Variants in SPARC observed in about 807,000 individuals in gnomAD.
SPARC encodes secreted protein acidic and cysteine rich.
In SPARC, 23 loss-of-function variants were observed where a neutral mutation model predicts 37.7. That is an observed-to-expected ratio of 0.61 (90% confidence interval 0.44 to 0.87). The LOEUF is 0.87. Ranked by LOEUF, SPARC falls within the 40% of genes least tolerant of loss-of-function variation. The pLI is 0.00. For synonymous variants in SPARC, 155 were observed against 150.8 expected, an observed-to-expected ratio of 1.03 and a Z score of -0.20; for missense variants, 312 against 389.0, an observed-to-expected ratio of 0.80 and a Z score of 1.66.
At chr5:151,668,733 A>G (rs1417334142) in intron 6 of SPARC, among the ~76,000 whole-genome samples, 1 of 151,618 alleles carries the variant, frequency 6.6e-6, no homozygotes, top group Non-Finnish European at 1.5e-5. Flanking sequence ...CTTCATAAAG[A>G]CTCCTTAAGA....
Position 151,661,972 on chromosome 5 carries a change from T to G in SPARC, c.*1599A>C, listed in dbSNP as rs540366240. On this transcript the variant is annotated 3_prime_UTR_variant, in exon 10 of 10. Transcript: ENST00000231061. ...CATCACACCTGTGACATCTTGCAAT[T>G]TATATTTGATTGTGTCATTATCTAA... 1 of 152,340 alleles carries G rather than the reference T, an allele frequency of 6.6e-6. No homozygotes were observed. The highest frequency in any genetic ancestry group is 2.1e-4 in the South Asian group (1 of 4,832). 9.4% of individuals were successfully genotyped at this position (152,340 alleles called of 1,614,324 possible). A position where few individuals can be genotyped will look rare whatever the true frequency, so the allele number is the denominator to read the frequency against.
Position 151,669,800 on chromosome 5 carries a change from A to C in SPARC, c.331-16T>G. 2.5e-6 allele frequency: 4 copies of C among 1,613,994 alleles called. No homozygotes were observed. The highest frequency in any genetic ancestry group is 3.4e-6 in the Non-Finnish European group (4 of 1,179,892). ...TGCTGCACACCTGTTGGCAAAGCAC[A>C]GAGTACCCCCTCCTTCATTCCCAAA... On this transcript the variant is annotated splice_polypyrimidine_tract_variant and intron_variant, in intron 5 of 9. Transcript: ENST00000231061.
chr5:151,671,997 A>G lies in SPARC; in HGVS notation c.209-303T>C, dbSNP rs370141408. Among the ~76,000 whole-genome samples, 365 of 152,296 alleles carry G rather than the reference A, an allele frequency of 2.4e-3. 5 individuals carry two copies. The highest frequency in any genetic ancestry group is 8.4e-3 in the African/African-American group (351 of 41,554). On this transcript the variant is annotated intron_variant, in intron 4 of 9. Transcript: ENST00000231061. Reference sequence around the variant, plus strand: ...ATATGGCTTTCCTGAAGATTGAAGCAACCATTGTGTTCCTGGGTCTCCATT... The same window carrying G: ...ATATGGCTTTCCTGAAGATTGAAGCGACCATTGTGTTCCTGGGTCTCCATT...
chr5:151,663,288 T>A lies in SPARC; in HGVS notation c.*283A>T, dbSNP rs1214487798. On this transcript the variant is annotated 3_prime_UTR_variant, in exon 10 of 10. Coordinates refer to ENST00000231061, the MANE Select transcript of SPARC (RefSeq NM_003118.4). ...TTTAAGGCAGAGCCCAGCAGATCCG[T>A]GTCCACCCATGTGCCAATAAGACAA... is the stretch of plus-strand genomic sequence containing the variant. 2 of 452,022 alleles carry A rather than the reference T, an allele frequency of 4.4e-6. No homozygotes were observed. Among genetic ancestry groups the A allele is most frequent in the African/African-American group, 2.0e-5 (1 of 49,726 alleles). The allele number at this position is 452,022 out of a possible 1,614,324, so 28.0% of individuals were successfully genotyped here. A position where few individuals can be genotyped will look rare whatever the true frequency, so the allele number is the denominator to read the frequency against.
rs1485375628 is a variant in SPARC at position 151,669,698 on chromosome 5, G to T, written c.417C>A (p.His139Gln). Residue 139 changes from histidine to glutamine, a missense_variant, in exon 6 of 10, where the codon CAC (histidine) becomes CAA (glutamine). His to Gln is a conservative substitution (Grantham distance 24). Transcript: ENST00000231061. ...KCTLEGTKKG[H>Q]KLHLDYIGPC... The stretch of plus-strand genomic sequence containing the variant: ...GCCCGATGTAGTCCAGGTGGAGCTT[G>T]TGGCCCTTCTTGGTGCCCTCCAGGG... 3.7e-6 allele frequency: 6 copies of T among 1,614,190 alleles called. No individual in the cohort carries two copies. In the African/African-American group the frequency reaches 5.3e-5, roughly 14 times the overall value.
At chr5:151,684,918 C>T (rs112357808) in intron 1 of SPARC, 2,571 of 152,350 alleles carry the variant, frequency 0.017, 41 homozygotes, top group Non-Finnish European at 0.023. Flanking sequence ...CCCAAGGCTT[C>T]CCCGGAATCC....
intron 1 of SPARC, among the ~76,000 whole-genome samples, chr5:151,676,679 G>A (rs1217400833): frequency 6.6e-6 from 1 of 152,092 alleles, no homozygotes; most frequent in Admixed American, 6.6e-5. Context: ...AGTTAAGTTT[G>A]GGCAATGCCA....
intron 1 of SPARC, among the ~76,000 whole-genome samples, chr5:151,685,496 G>A (rs1377973968): frequency 6.7e-6 from 1 of 149,440 alleles, no homozygotes; most frequent in African/African-American, 2.5e-5. Flanking sequence ...ATGGCTTGAG[G>A]CCCATTCAAA....
chr5:151,674,734 A>T, intron 2 of SPARC, 60 bp from the exon 3 acceptor site: 1 of 1,549,814 alleles, frequency 6.5e-7, no homozygotes, highest in Non-Finnish European at 8.9e-7. Context: ...TTCACCTCCA[A>T]AGTGCCTGTG....
At chr5:151,685,410 T>C (rs970376627) in intron 1 of SPARC, among the ~76,000 whole-genome samples, 1 of 114,818 alleles carries the variant, frequency 8.7e-6, no homozygotes. Context: ...TCTCTCTCTC[T>C]CCCTCTCTCT....
chr5:151,672,007 T>G (rs1374192369), intron 4 of SPARC, among the ~76,000 whole-genome samples: 1 of 152,174 alleles, frequency 6.6e-6, no homozygotes, highest in African/African-American at 2.4e-5. Flanking sequence ...AACCATTGTG[T>G]TCCTGGGTCT....
chr5:151,669,001 G>T (rs1426340576), intron 6 of SPARC, among the ~76,000 whole-genome samples: 1 of 152,104 alleles, frequency 6.6e-6, no homozygotes, highest in Non-Finnish European at 1.5e-5. Context: ...GGTCTTGGGG[G>T]TCTCCCATGA....
intron 8 of SPARC, among the ~76,000 whole-genome samples, chr5:151,665,667 G>A (rs1760604207): frequency 1.3e-5 from 2 of 152,256 alleles, no homozygotes; most frequent in African/African-American, 4.8e-5. Context: ...GAGAAGTTCA[G>A]AAGGTAGTGA....
chr5:151,667,620 G>A lies in SPARC; in HGVS notation c.452-20C>T. 1 of 1,613,558 alleles carries A rather than the reference G, an allele frequency of 6.2e-7. No homozygotes were observed. Among genetic ancestry groups the A allele is most frequent in the Non-Finnish European group, 8.5e-7 (1 of 1,179,860 alleles). ...GGATGTCTAGGTTCCAAACACAAGG[G>A]CGGTCAGCACAGACCCTGCCTGGGC... On this transcript the variant is annotated intron_variant, in intron 6 of 9. Transcript: ENST00000231061.
At chr5:151,670,704 G>A (rs777568237) in intron 5 of SPARC, among the ~76,000 whole-genome samples, 14 of 152,192 alleles carry the variant, frequency 9.2e-5, no homozygotes, top group Non-Finnish European at 1.8e-4. Flanking sequence ...AGCTGTGTTA[G>A]GAGGAGGGGA....
At chr5:151,679,377 G>C (rs908354084) in intron 1 of SPARC, 1 of 152,190 alleles carries the variant, frequency 6.6e-6, no homozygotes, top group Non-Finnish European at 1.5e-5. Flanking sequence ...GTGAGAACCC[G>C]TGCAACCCTA....
intron 4 of SPARC, 69 bp from the exon 5 acceptor site, chr5:151,671,763 C>A: frequency 1.3e-6 from 2 of 1,595,346 alleles, no homozygotes; most frequent in Admixed American, 3.4e-5. Context: ...CCTACCTGGA[C>A]AGATCTCAGG....
rs186651573 is a variant in SPARC, at chr5:151,679,970, G to A, written c.-13-3769C>T. Among the ~76,000 whole-genome samples the A allele has an allele frequency of 1.7e-3, 260 of 152,274 alleles. 1 individual carries two copies. Among genetic ancestry groups the A allele is most frequent in the African/African-American group, 6.1e-3 (255 of 41,562 alleles). ...ACTTATGGAGTAATGCAACCCAACAGGACTTCCCAAGATGATGAACACATT... is the reference window on the plus strand; with the variant it reads ...ACTTATGGAGTAATGCAACCCAACAAGACTTCCCAAGATGATGAACACATT... On this transcript the variant is annotated intron_variant, in intron 1 of 9. Coordinates refer to ENST00000231061, the MANE Select transcript of SPARC (RefSeq NM_003118.4).
chr5:151,667,338 G>T, intron 7 of SPARC, 129 bp downstream of exon 7: 1 of 976,024 alleles, frequency 1.0e-6, no homozygotes, highest in Non-Finnish European at 1.6e-6. Flanking sequence ...AGAGAAGTAC[G>T]TGTCCTGGTG....
Sources: allele counts gnomAD v4.1 joint callset (sites outside exome capture counted in the v4.1 genomes callset), GRCh38; gene constraint gnomAD v4.1.1; transcripts MANE v1.5; gene names NCBI Gene and HGNC (gene_info 2026-07-23, HGNC 2026-07-21).